Variants in HECTD4 observed in about 807,000 individuals in gnomAD.
HECTD4 encodes probable E3 ubiquitin-protein ligase HECTD4.
In HECTD4, 114 loss-of-function variants were observed where a neutral mutation model predicts 471.5. That is an observed-to-expected ratio of 0.24 (90% CI 0.21 to 0.28). HECTD4 has a LOEUF of 0.28. Among genes scored for constraint, HECTD4 ranks in the 10% least tolerant of loss-of-function variants. The probability of loss-of-function intolerance (pLI) is 1.00; values close to 1 mark genes in which losing one functional copy is unlikely to be tolerated. For synonymous variants in HECTD4, 2,012 were observed against 2,256.0 expected (o/e 0.89, Z 3.07); for missense variants, 3,866 against 5,651.5 (o/e 0.68, Z 10.13).
At chr12:112,219,282 C>T (rs978810854) in intron 45 of HECTD4, 104 bp downstream of exon 45, 11 of 697,544 alleles carry the variant, frequency 1.6e-5, no homozygotes, top group African/African-American at 5.4e-5. Context: ...CACCTCCAAA[C>T]GGCTTTGCAA....
intron 52 of HECTD4, among the ~76,000 whole-genome samples, chr12:112,207,027 G>T (rs1593929682): frequency 6.6e-6 from 1 of 152,142 alleles, no homozygotes; most frequent in East Asian, 1.9e-4. Context: ...AAGATTAGAA[G>T]ATTAGGGAAC....
intron 60 of HECTD4, among the ~76,000 whole-genome samples, chr12:112,187,784 AC>A (rs1395445621): frequency 6.7e-6 from 1 of 149,910 alleles, no homozygotes; most frequent in Non-Finnish European, 1.5e-5. Flanking sequence ...CCGCTATCAC[AC>A]CCGGCTAATT....
intron 1 of HECTD4, among the ~76,000 whole-genome samples, chr12:112,366,110 A>C (rs1321295171): frequency 6.6e-6 from 1 of 152,092 alleles, no homozygotes; most frequent in Non-Finnish European, 1.5e-5. Flanking sequence ...TAAGATACCA[A>C]TACTAACAAA....
chr12:112,326,957 G>A (rs1460842530), intron 1 of HECTD4, among the ~76,000 whole-genome samples: 3 of 152,176 alleles, frequency 2.0e-5, no homozygotes, highest in Non-Finnish European at 4.4e-5. Flanking sequence ...TATTCTAGAA[G>A]TAAGAAATAC....
intron 43 of HECTD4, 141 bp downstream of exon 43, chr12:112,227,948 G>A: frequency 2.8e-6 from 2 of 711,344 alleles, no homozygotes; most frequent in Non-Finnish European, 4.4e-6. Context: ...AACTGTAAAA[G>A]AATGGTTACT....
Position 112,183,178 on chromosome 12 carries a change from T to C in HECTD4, c.10868A>G (p.Asp3623Gly). ...TTCTGTTGACATTTCCATCAATTCATCTTCACCATCCAAACTTGACAAACC... is the reference window on the plus strand; with the variant it reads ...TTCTGTTGACATTTCCATCAATTCACCTTCACCATCCAAACTTGACAAACC... Reference protein sequence around the residue: ...LIGLSSLDGEDELMEMSTEEI... With the variant: ...LIGLSSLDGEGELMEMSTEEI... Residue 3623 changes from aspartate (D) to glycine (G), a missense_variant, in exon 62 of 76, where the codon GAT becomes GGT. Transcript: ENST00000682272. 3.1e-6 allele frequency: 5 copies of C among 1,613,856 alleles called. No individual in the cohort carries two copies. The highest frequency in any genetic ancestry group is 4.2e-6 in the Non-Finnish European group (5 of 1,179,750).
rs774562647 is a variant in HECTD4 at position 112,250,350 on chromosome 12, G to A, written c.3744C>T (p.Gly1248=). The change falls in exon 25 of 76, where the codon GGC becomes GGT. Residue 1248 remains glycine, a synonymous_variant. Transcript: ENST00000682272. ...TCGGAGTAAGGGCAGGGGAGATCAC[G>A]CCATTGGCCTCCACCTGCCACTGGC... ...QRCQWQVEAN[G]VISPALTPSP... The A allele has an allele frequency of 1.3e-5, 21 of 1,613,298 alleles. No homozygotes were observed. Among genetic ancestry groups the A allele is most frequent in the Non-Finnish European group, 1.7e-5 (20 of 1,179,626 alleles).
At chr12:112,324,950 T>A (rs928844550) in intron 1 of HECTD4, among the ~76,000 whole-genome samples, 3 of 152,208 alleles carry the variant, frequency 2.0e-5, no homozygotes, top group African/African-American at 7.2e-5. Flanking sequence ...AATCATCTAC[T>A]TATGTTATAT....
At chr12:112,266,890 A>G in intron 14 of HECTD4, 22 bp downstream of exon 14, 1 of 1,236,148 alleles carries the variant, frequency 8.1e-7, no homozygotes, top group Non-Finnish European at 1.2e-6. Context: ...CTGTTCAAAG[A>G]TAATTAAAGG....
At chr12:112,225,327 C>CAAAAAA (rs201230586) in intron 44 of HECTD4, among the ~76,000 whole-genome samples, 1 of 61,312 alleles carries the variant, frequency 1.6e-5, no homozygotes, top group Non-Finnish European at 3.7e-5. Context: ...TTTAAAAGAC[C>CAAAAAA]AAAAAAAAAA....
chr12:112,240,730 C>G (rs2033623365), intron 32 of HECTD4, among the ~76,000 whole-genome samples: 1 of 152,250 alleles, frequency 6.6e-6, no homozygotes, highest in South Asian at 2.1e-4. Context: ...GGATTACAGG[C>G]CTGAGCCACT....
Position 112,192,677 on chromosome 12 carries a change from C to T in HECTD4, c.9175G>A (p.Glu3059Lys), listed in dbSNP as rs889607680. The change falls in exon 59 of 76, where the codon GAG becomes AAG. Residue 3059 changes from glutamate (E) to lysine (K), a missense_variant. Coordinates refer to ENST00000682272, the MANE Select transcript of HECTD4 (RefSeq NM_001388303.1). ...GCGTCCCGCGGGTAACAGGCGGCCT[C>T]GATGAGGTTCAGCTGGCCATTTCGC... The part of the protein sequence containing the change: ...VKRNGQLNLI[E>K]AACYPRDASP... 1.2e-6 allele frequency: 2 copies of T among 1,603,808 alleles called. No homozygotes were observed. Among genetic ancestry groups the T allele is most frequent in the East Asian group, 2.2e-5 (1 of 44,542 alleles).
Position 112,172,743 on chromosome 12 carries a change from C to T in HECTD4, c.11713G>A (p.Ala3905Thr), listed in dbSNP as rs536620571. 106 of 1,613,920 alleles carry T rather than the reference C, an allele frequency of 6.6e-5. No homozygotes were observed. In the East Asian group the frequency reaches 7.6e-4, roughly 12 times the overall value. ...QLCRHLAITP[A>T]RLHPHEVYLD... ...TACACCTCATGGGGATGGAGCCGTG[C>T]GGGTGTGATGGCGAGGTGGCGGCAT... is the stretch of plus-strand genomic sequence containing the variant. Residue 3905 changes from alanine (A) to threonine (T), a missense_variant, in exon 67 of 76, where the codon GCA becomes ACA. Coordinates refer to ENST00000682272, the MANE Select transcript of HECTD4 (RefSeq NM_001388303.1).
chr12:112,265,916 T>G lies in HECTD4; in HGVS notation c.2460A>C (p.Gln820His), dbSNP rs1369867714. The G allele has an allele frequency of 1.2e-6, 2 of 1,613,986 alleles. No individual in the cohort carries two copies. Among genetic ancestry groups the G allele is most frequent in the South Asian group, 2.2e-5 (2 of 91,080 alleles). The part of the protein sequence containing the change: ...VILTNLAEQL[Q>H]NNRFGSDEDD... ...CCTCATCACTGCCAAATCGGTTGTT[T>G]TGGAGCTGTTCAGCCAGGTTGGTTA... The change falls in exon 15 of 76, where the codon CAA (glutamine) becomes CAC (histidine). Residue 820 changes from glutamine (Q) to histidine (H), a missense_variant. Transcript: ENST00000682272.
At chr12:112,177,910 C>T (rs1325921700) in intron 64 of HECTD4, among the ~76,000 whole-genome samples, 4 of 152,218 alleles carry the variant, frequency 2.6e-5, no homozygotes, top group South Asian at 4.2e-4. Flanking sequence ...AAGAATGGTC[C>T]GGAGGAAGAG....
At position 112,193,918 on chromosome 12, in the gene HECTD4, A is replaced by G. The variant is rs2032160232; in HGVS notation, c.8750-244T>C. Among the ~76,000 whole-genome samples the G allele has an allele frequency of 6.6e-6, 1 of 152,132 alleles. No individual in the cohort carries two copies. On this transcript the variant is annotated intron_variant, in intron 56 of 75. Transcript: ENST00000682272. This position sits in a 1 kb window ranked among gnomAD's most constrained non-coding sequence, Gnocchi z 5.2. ...TTTCAGCTGTGAAACTGTTGCCTAA[A>G]ATAAAATCTACACAGAGGCCCAGGT...
chr12:112,305,331 A>G (rs1035891899), intron 7 of HECTD4, among the ~76,000 whole-genome samples: 3 of 152,102 alleles, frequency 2.0e-5, no homozygotes, highest in Non-Finnish European at 4.4e-5. Context: ...CTCTCTCTGC[A>G]TTCCAGCCAC....
At chr12:112,209,327 G>GTT (rs34447938) in intron 50 of HECTD4, among the ~76,000 whole-genome samples, 20 of 140,136 alleles carry the variant, frequency 1.4e-4, no homozygotes, top group Non-Finnish European at 2.0e-4. Context: ...AATCATAAAA[G>GTT]TTTTTTTTTT....
chr12:112,282,927 T>C (rs977310573), intron 8 of HECTD4, among the ~76,000 whole-genome samples, 183 bp downstream of exon 8: 2 of 152,208 alleles, frequency 1.3e-5, no homozygotes, highest in East Asian at 3.9e-4. Context: ...TTCATATGAA[T>C]TTGTGTCCAT....
Sources: gnomAD v4.1 joint callset for allele counts (sites outside exome capture counted in the v4.1 genomes callset) on GRCh38, gnomAD v4.1.1 for gene constraint, Gnocchi (gnomAD v3.1) non-coding constraint, MANE v1.5 for transcripts, NCBI Gene and HGNC (gene_info 2026-07-23, HGNC 2026-07-21) for gene names.